Variants in PID1 observed in about 807,000 individuals in gnomAD.
PID1 encodes PTB-containing, cubilin and LRP1-interacting protein.
PID1 carries 10 observed loss-of-function variants against 19.1 expected under a neutral mutation model. The observed-to-expected ratio is 0.52, with a 90% CI of 0.32 to 0.89. The LOEUF is 0.89. Ranked by LOEUF, PID1 falls within the 40% of genes least tolerant of loss-of-function variation. The pLI is 0.03. For missense variants in PID1, 248 were observed against 285.3 expected, an observed-to-expected ratio of 0.87 and a Z score of 0.94; for synonymous variants, 130 against 116.0, an observed-to-expected ratio of 1.12 and a Z score of -0.78.
At chr2:229,154,622 C>T (rs942838285) in intron 2 of PID1, among the ~76,000 whole-genome samples, 3 of 152,120 alleles carry the variant, frequency 2.0e-5, no homozygotes, top group East Asian at 1.9e-4. Flanking sequence ...CACCCAAGAT[C>T]GCTGTAGACG....
At chr2:229,029,275 A>G (rs954133147) in intron 2 of PID1, among the ~76,000 whole-genome samples, 11 of 25,396 alleles carry the variant, frequency 4.3e-4, no homozygotes, top group Admixed American at 1.1e-3. Context: ...TCCCTGGGGA[A>G]AAAAAAAATG....
intron 1 of PID1, among the ~76,000 whole-genome samples, chr2:229,267,485 T>C (rs977518667): frequency 7.2e-5 from 11 of 152,210 alleles, no homozygotes; most frequent in African/African-American, 2.7e-4. Flanking sequence ...ACTTCACAAT[T>C]AGAATCTGCT....
At chr2:229,147,438 A>C (rs1004086310) in intron 2 of PID1, among the ~76,000 whole-genome samples, 9 of 152,132 alleles carry the variant, frequency 5.9e-5, no homozygotes, top group Non-Finnish European at 1.2e-4. Flanking sequence ...CCCTAGTTTT[A>C]TTATCCAGGG....
chr2:229,084,568 C>G (rs1694728732), intron 2 of PID1, among the ~76,000 whole-genome samples: 1 of 152,142 alleles, frequency 6.6e-6, no homozygotes, highest in South Asian at 2.1e-4. Flanking sequence ...GGTTTCTTTT[C>G]TATGCTTCAA....
At chr2:229,211,463 T>C (rs1294489161) in intron 1 of PID1, among the ~76,000 whole-genome samples, 3 of 152,198 alleles carry the variant, frequency 2.0e-5, no homozygotes, top group African/African-American at 7.2e-5. Context: ...TGTGGTTTTC[T>C]TAAACAGACT....
intron 1 of PID1, among the ~76,000 whole-genome samples, chr2:229,252,064 AGC>A (rs1240169877): frequency 6.6e-6 from 1 of 152,006 alleles, no homozygotes; most frequent in Non-Finnish European, 1.5e-5. Flanking sequence ...TGTGTCTTCC[AGC>A]CCACCAAGAG....
At chr2:229,226,010 A>G (rs1692069847) in intron 1 of PID1, among the ~76,000 whole-genome samples, 1 of 152,092 alleles carries the variant, frequency 6.6e-6, no homozygotes, top group Admixed American at 6.5e-5. Flanking sequence ...GACCATAAGA[A>G]TGTCCCATTT....
intron 2 of PID1, among the ~76,000 whole-genome samples, chr2:229,103,153 G>C (rs1480159092): frequency 1.3e-5 from 2 of 152,140 alleles, no homozygotes; most frequent in East Asian, 3.8e-4. Flanking sequence ...CTTTAGGTGT[G>C]GGAGAAACTT....
At chr2:229,110,067 C>T (rs555942816) in intron 2 of PID1, among the ~76,000 whole-genome samples, 1 of 152,286 alleles carries the variant, frequency 6.6e-6, no homozygotes, top group East Asian at 1.9e-4. Flanking sequence ...TGGACTCCCA[C>T]CCTACAAGAC....
rs1689768439 is a variant in PID1 at position 229,238,160 on chromosome 2, G to A, written c.30+32854C>T. 7.2e-5 allele frequency among the ~76,000 whole-genome samples: 11 copies of A among 151,994 alleles called. No homozygotes were observed. The South Asian group carries it at 2.1e-3, about 29-fold the overall frequency. Reference sequence around the variant, plus strand: ...GTGGTCAAGAAAATAAATATATCTTGGAGTGCAAATGAATCCCTCAATTGT... The same window carrying A: ...GTGGTCAAGAAAATAAATATATCTTAGAGTGCAAATGAATCCCTCAATTGT... On this transcript the variant is annotated intron_variant, in intron 1 of 2. Coordinates refer to ENST00000392055, the MANE Select transcript of PID1 (RefSeq NM_001100818.2).
chr2:229,058,133 A>G (rs1049813818), intron 2 of PID1, among the ~76,000 whole-genome samples: 1 of 152,210 alleles, frequency 6.6e-6, no homozygotes, highest in African/African-American at 2.4e-5. Flanking sequence ...CCCAAATACT[A>G]GAGAGTTACT....
At chr2:229,218,858 A>G (rs570955534) in intron 1 of PID1, among the ~76,000 whole-genome samples, 22 of 152,316 alleles carry the variant, frequency 1.4e-4, no homozygotes, top group Admixed American at 8.5e-4. Context: ...TGATTTACTC[A>G]ACAGAAACCC....
At chr2:229,226,493 T>A (rs932488758) in intron 1 of PID1, among the ~76,000 whole-genome samples, 1 of 152,184 alleles carries the variant, frequency 6.6e-6, no homozygotes, top group South Asian at 2.1e-4. Flanking sequence ...GGATGACACC[T>A]CCCAAACCCA....
chr2:229,140,194 A>G (rs1036000988), intron 2 of PID1, among the ~76,000 whole-genome samples: 4 of 152,164 alleles, frequency 2.6e-5, no homozygotes, highest in African/African-American at 7.2e-5. Context: ...CTTCAAAAAT[A>G]TGAAATAAAT....
rs566943335 is a variant in PID1, at chr2:229,186,054, G to A, written c.31-30090C>T. ...ACAGCCATTCCAAATGGGAGACATT[G>A]GCCAAAACAAAGGGACTACATGCCC... On this transcript the variant is annotated intron_variant, in intron 1 of 2. Coordinates refer to ENST00000392055, the MANE Select transcript of PID1 (RefSeq NM_001100818.2). Among the ~76,000 whole-genome samples the A allele has an allele frequency of 1.9e-4, 29 of 152,288 alleles. No homozygotes were observed. In the South Asian group the frequency reaches 5.8e-3, roughly 31 times the overall value.
intron 2 of PID1, among the ~76,000 whole-genome samples, chr2:229,148,030 G>T (rs923211468): frequency 1.3e-5 from 2 of 152,150 alleles, no homozygotes; most frequent in African/African-American, 2.4e-5. Context: ...CAACTCAACA[G>T]CATTAAGCAA....
At chr2:229,125,794 C>T (rs894772389) in intron 2 of PID1, among the ~76,000 whole-genome samples, 2 of 152,154 alleles carry the variant, frequency 1.3e-5, no homozygotes, top group African/African-American at 2.4e-5. Context: ...CATTTTCCCA[C>T]GTGCAATGCA....
chr2:229,141,171 C>T (rs890345548), intron 2 of PID1, among the ~76,000 whole-genome samples: 30 of 152,194 alleles, frequency 2.0e-4, no homozygotes, highest in Admixed American at 1.4e-3. Context: ...GAAGACACCA[C>T]GTTTTTGCAA....
At chr2:229,100,113 C>T (rs536764104) in intron 2 of PID1, among the ~76,000 whole-genome samples, 62 of 152,258 alleles carry the variant, frequency 4.1e-4, no homozygotes, top group African/African-American at 1.4e-3. Flanking sequence ...AAAGAGGCCC[C>T]TTACCAGACA....
Sources: allele counts gnomAD v4.1 joint callset (sites outside exome capture counted in the v4.1 genomes callset), GRCh38; gene constraint gnomAD v4.1.1; transcripts MANE v1.5; gene names NCBI Gene and HGNC (gene_info 2026-07-23, HGNC 2026-07-21).